SUCLG2: variants seen among roughly 807,000 people sequenced by gnomAD.
The protein encoded by SUCLG2 is succinate--CoA ligase [GDP-forming] subunit beta, mitochondrial.
A neutral mutation model predicts 47.9 loss-of-function variants in SUCLG2; 42 were observed. The ratio of observed to expected loss-of-function variants is 0.88; its 90% CI spans 0.69 to 1.14. The LOEUF is 1.14. Ranked by LOEUF, SUCLG2 falls within the 50% of genes most tolerant of loss-of-function variation. SUCLG2 has a pLI of 0.00. For synonymous variants in SUCLG2, 195 were observed against 197.3 expected, an observed-to-expected ratio of 0.99 and a Z score of 0.10; for missense variants, 571 against 525.9, an observed-to-expected ratio of 1.09 and a Z score of -0.84.
chr3:67,444,019 C>T (rs1335017442), intron 9 of SUCLG2, among the ~76,000 whole-genome samples: 4 of 118,114 alleles, frequency 3.4e-5, no homozygotes, highest in Admixed American at 1.8e-4. Context: ...GTGGGGGGGT[C>T]AGCCCCCCGC....
intron 9 of SUCLG2, among the ~76,000 whole-genome samples, chr3:67,459,094 T>G (rs1704261189): frequency 6.6e-6 from 1 of 152,146 alleles, no homozygotes; most frequent in Non-Finnish European, 1.5e-5. Flanking sequence ...TCAACCTGCC[T>G]CTGATCTTGG....
intron 9 of SUCLG2, among the ~76,000 whole-genome samples, chr3:67,476,821 G>A (rs759157157): frequency 2.6e-5 from 4 of 152,180 alleles, no homozygotes; most frequent in East Asian, 1.9e-4. Context: ...TCCAGAGACT[G>A]CAGCAGTGGA....
chr3:67,416,683 A>G (rs1156523345), intron 9 of SUCLG2, among the ~76,000 whole-genome samples: 3 of 152,230 alleles, frequency 2.0e-5, no homozygotes, highest in Non-Finnish European at 4.4e-5. Context: ...TTACATCTTA[A>G]GAAATTGCAG....
chr3:67,408,131 T>C (rs1415525433), intron 9 of SUCLG2, among the ~76,000 whole-genome samples: 1 of 152,182 alleles, frequency 6.6e-6, no homozygotes, highest in Non-Finnish European at 1.5e-5. Context: ...TGCCTTCTGC[T>C]GAAATTATGG....
intron 2 of SUCLG2, among the ~76,000 whole-genome samples, chr3:67,541,487 A>G (rs2107175209): frequency 1.3e-5 from 2 of 152,292 alleles, no homozygotes; most frequent in African/African-American, 4.8e-5. Context: ...AAAGCAACAA[A>G]CAAAGCCTCC....
At chr3:67,636,748 G>T (rs1413312802) in intron 1 of SUCLG2, among the ~76,000 whole-genome samples, 1 of 151,818 alleles carries the variant, frequency 6.6e-6, no homozygotes, top group African/African-American at 2.4e-5. Context: ...TGCCCACCTC[G>T]GCCTCCCAAA....
chr3:67,531,071 A>G (rs2107151381), intron 2 of SUCLG2, among the ~76,000 whole-genome samples: 1 of 152,336 alleles, frequency 6.6e-6, no homozygotes, highest in African/African-American at 2.4e-5. Flanking sequence ...ATATTAAAGA[A>G]GTCTACAGTG....
intron 6 of SUCLG2, among the ~76,000 whole-genome samples, chr3:67,517,976 A>C (rs1705991209): frequency 6.6e-6 from 1 of 152,222 alleles, no homozygotes; most frequent in Non-Finnish European, 1.5e-5. Context: ...CTACAGAAAA[A>C]ATAGAGATTA....
intron 9 of SUCLG2, among the ~76,000 whole-genome samples, chr3:67,436,007 G>A (rs1703610545): frequency 6.6e-6 from 1 of 152,178 alleles, no homozygotes; most frequent in Admixed American, 6.5e-5. Flanking sequence ...CGTTATAGCA[G>A]TAAATTTGGT....
intron 9 of SUCLG2, among the ~76,000 whole-genome samples, chr3:67,452,199 C>T (rs1387462934): frequency 6.6e-6 from 1 of 152,222 alleles, no homozygotes; most frequent in Non-Finnish European, 1.5e-5. Context: ...TCCCATAATT[C>T]TTTTCCCCAA....
chr3:67,404,341 A>G (rs1355882042), intron 9 of SUCLG2, among the ~76,000 whole-genome samples: 2 of 152,108 alleles, frequency 1.3e-5, no homozygotes, highest in Non-Finnish European at 2.9e-5. Context: ...CATGGGAGAG[A>G]GAGAGAGAGA....
chr3:67,489,478 C>T (rs187304677), intron 9 of SUCLG2, among the ~76,000 whole-genome samples: 9 of 152,108 alleles, frequency 5.9e-5, no homozygotes, highest in East Asian at 1.9e-4. Flanking sequence ...ACTATCAGGT[C>T]GACTACCACT....
intron 9 of SUCLG2, among the ~76,000 whole-genome samples, chr3:67,410,551 C>T (rs183052239): frequency 6.6e-6 from 1 of 152,158 alleles, no homozygotes; most frequent in Non-Finnish European, 1.5e-5. Flanking sequence ...ATCAGAACCA[C>T]TGCCATGATT....
chr3:67,546,232 G>A (rs941403401), intron 2 of SUCLG2, among the ~76,000 whole-genome samples: 4 of 152,236 alleles, frequency 2.6e-5, no homozygotes, highest in African/African-American at 9.6e-5. Flanking sequence ...ACTTGAGTTT[G>A]GAATTATACC....
intron 1 of SUCLG2, among the ~76,000 whole-genome samples, chr3:67,622,294 T>A (rs1208559977): frequency 6.6e-6 from 1 of 152,100 alleles, no homozygotes. Context: ...GTATGCACAC[T>A]TAAATAGAAA....
At chr3:67,394,920 C>A (rs1702486338) in intron 10 of SUCLG2, among the ~76,000 whole-genome samples, 1 of 152,058 alleles carries the variant, frequency 6.6e-6, no homozygotes, top group African/African-American at 2.4e-5. Context: ...TCCACCCAAA[C>A]TAAACTGCAT....
chr3:67,514,338 A>G, intron 6 of SUCLG2: 1 of 372,682 alleles, frequency 2.7e-6, no homozygotes, highest in South Asian at 2.7e-5. Flanking sequence ...GGCAATGATG[A>G]CTATGTGTAT....
At chr3:67,529,066 A>C (rs1706332201) in intron 3 of SUCLG2, 21 bp downstream of exon 3, 3 of 1,585,734 alleles carry the variant, frequency 1.9e-6, no homozygotes, top group Non-Finnish European at 2.6e-6. Context: ...AAAGACAAGG[A>C]ATAACAACCT....
In SUCLG2 at chr3:67,375,815, G is replaced by C; in HGVS notation, c.1228C>G (p.Leu410Val). 6.2e-7 allele frequency: 1 copy of C among 1,613,970 alleles called. No individual in the cohort carries two copies. The highest frequency in any genetic ancestry group is 8.5e-7 in the Non-Finnish European group (1 of 1,179,918). ...AGGTCAATGGCTGAAGTAATGGGGA[G>C]TCCGCTGTTGTTGAGTATCTTCTGG... ...EAQKILNNSG[L>V]PITSAIDLED... is the part of the protein sequence containing the mutation. Residue 410 changes from leucine to valine, a missense_variant, in exon 11 of 11, where the codon CTC becomes GTC. Leu to Val is a conservative substitution (Grantham distance 32). Transcript: ENST00000307227.
Sources: allele counts gnomAD v4.1 joint callset (sites outside exome capture counted in the v4.1 genomes callset), GRCh38; gene constraint gnomAD v4.1.1; transcripts MANE v1.5; gene names NCBI Gene and HGNC (gene_info 2026-07-23, HGNC 2026-07-21).